Variants in CSGALNACT1 observed in about 807,000 individuals in gnomAD.
CSGALNACT1 encodes chondroitin sulfate N-acetylgalactosaminyltransferase 1, also known as beta4GalNAcT-1.
CSGALNACT1 carries 52 observed loss-of-function variants against 51.0 expected under a neutral mutation model. The ratio of observed to expected loss-of-function variants is 1.02; its 90% CI spans 0.82 to 1.29. CSGALNACT1 has a LOEUF of 1.29. CSGALNACT1 is among the 50% of genes most tolerant of loss of function. The pLI is 0.00. For missense variants in CSGALNACT1, 935 were observed against 679.2 expected, an observed-to-expected ratio of 1.38 and a Z score of -4.19; for synonymous variants, 341 against 254.4, an observed-to-expected ratio of 1.34 and a Z score of -3.24.
At chr8:19,463,472 G>T (rs980735052) in intron 4 of CSGALNACT1, among the ~76,000 whole-genome samples, 7 of 152,106 alleles carry the variant, frequency 4.6e-5, no homozygotes, top group African/African-American at 1.7e-4. Context: ...CTCTTTATTG[G>T]TGGAAACACA....
intron 1 of CSGALNACT1, among the ~76,000 whole-genome samples, chr8:19,676,793 T>G (rs2060225625): frequency 6.6e-6 from 1 of 152,126 alleles, no homozygotes; most frequent in South Asian, 2.1e-4. Context: ...CAGACAGGAT[T>G]GGAAGGATCT....
chr8:19,628,070 C>A (rs916822340), intron 1 of CSGALNACT1, among the ~76,000 whole-genome samples: 11 of 152,176 alleles, frequency 7.2e-5, no homozygotes, highest in African/African-American at 2.7e-4. Context: ...TTGTTGAGCA[C>A]TGTGTGCTGA....
At chr8:19,702,386 C>A (rs1277064548) in intron 1 of CSGALNACT1, among the ~76,000 whole-genome samples, 1 of 152,078 alleles carries the variant, frequency 6.6e-6, no homozygotes, top group East Asian at 1.9e-4. Flanking sequence ...TGAGGATACA[C>A]CTGTAGTCCC....
intron 1 of CSGALNACT1, among the ~76,000 whole-genome samples, chr8:19,627,675 A>G (rs528809039): frequency 2.7e-4 from 41 of 152,252 alleles, no homozygotes; most frequent in African/African-American, 9.6e-4. Flanking sequence ...TAATAAAAAA[A>G]TTAGCCAGGT....
chr8:19,472,614 C>A (rs1289377616), intron 4 of CSGALNACT1, among the ~76,000 whole-genome samples: 2 of 152,226 alleles, frequency 1.3e-5, no homozygotes, highest in Non-Finnish European at 2.9e-5. Flanking sequence ...GAATCTGAGA[C>A]CAATGTCAAA....
intron 1 of CSGALNACT1, among the ~76,000 whole-genome samples, chr8:19,670,255 C>A (rs566902393): frequency 6.6e-6 from 1 of 152,266 alleles, no homozygotes; most frequent in South Asian, 2.1e-4. Context: ...GTGCCCATTG[C>A]AGTACCTTAT....
At chr8:19,423,814 A>C (rs78366897) in intron 6 of CSGALNACT1, among the ~76,000 whole-genome samples, 2,242 of 152,292 alleles carry the variant, frequency 0.015, 58 homozygotes, top group African/African-American at 0.051. Flanking sequence ...GGAAAAGACA[A>C]TGCATGTTAT....
chr8:19,525,705 G>T (rs914892180), intron 3 of CSGALNACT1, among the ~76,000 whole-genome samples: 18 of 132,848 alleles, frequency 1.4e-4, no homozygotes, highest in Non-Finnish European at 2.5e-4. Context: ...CTAGAGAAAA[G>T]TTGCCAAGTG....
At chr8:19,747,729 A>C (rs2064768741) in intron 1 of CSGALNACT1, among the ~76,000 whole-genome samples, 1 of 152,164 alleles carries the variant, frequency 6.6e-6, no homozygotes, top group South Asian at 2.1e-4. Flanking sequence ...CCAGGGCTAC[A>C]GAGTGAGTCA....
intron 4 of CSGALNACT1, among the ~76,000 whole-genome samples, chr8:19,480,459 A>T (rs940247146): frequency 6.6e-6 from 1 of 152,110 alleles, no homozygotes; most frequent in African/African-American, 2.4e-5. Context: ...GTGCTTTTTT[A>T]TGGCTGCATA....
chr8:19,496,260 A>G (rs1035617032), intron 4 of CSGALNACT1, among the ~76,000 whole-genome samples: 1 of 152,260 alleles, frequency 6.6e-6, no homozygotes, highest in Non-Finnish European at 1.5e-5. Context: ...TCTTTAAATC[A>G]CCACCATAGA....
intron 3 of CSGALNACT1, among the ~76,000 whole-genome samples, chr8:19,514,035 G>T (rs1186465567): frequency 3.3e-5 from 5 of 152,160 alleles, no homozygotes; most frequent in African/African-American, 1.2e-4. Flanking sequence ...TTTCTGGAAT[G>T]CAGGTTTCTT....
At chr8:19,470,948 T>G (rs2068001806) in intron 4 of CSGALNACT1, among the ~76,000 whole-genome samples, 1 of 151,798 alleles carries the variant, frequency 6.6e-6, no homozygotes, top group Non-Finnish European at 1.5e-5. Flanking sequence ...ATACAAAAAT[T>G]AGCTGGGCGT....
intron 3 of CSGALNACT1, among the ~76,000 whole-genome samples, chr8:19,539,301 C>G (rs2084520891): frequency 6.6e-6 from 1 of 152,130 alleles, no homozygotes; most frequent in Non-Finnish European, 1.5e-5. Flanking sequence ...TTCTACATAA[C>G]TACAAGTGTG....
chr8:19,610,488 C>G (rs561045853), intron 1 of CSGALNACT1, among the ~76,000 whole-genome samples: 238 of 152,088 alleles, frequency 1.6e-3, no homozygotes, highest in African/African-American at 4.7e-3. Flanking sequence ...CCCGAGACCC[C>G]AGCAAGGCAG....
At chr8:19,534,723 G>A (rs191837317) in intron 3 of CSGALNACT1, among the ~76,000 whole-genome samples, 2 of 152,092 alleles carry the variant, frequency 1.3e-5, no homozygotes, top group South Asian at 2.1e-4. Flanking sequence ...TCTCACACAC[G>A]TCTAAAATGC....
chr8:19,735,528 G>C (rs1004202109), intron 1 of CSGALNACT1, among the ~76,000 whole-genome samples: 6 of 151,930 alleles, frequency 3.9e-5, no homozygotes, highest in Admixed American at 3.9e-4. Flanking sequence ...AAAAAACCAT[G>C]CTGCAAAATT....
chr8:19,664,260 C>T (rs1170819584), intron 1 of CSGALNACT1, among the ~76,000 whole-genome samples: 1 of 152,118 alleles, frequency 6.6e-6, no homozygotes, highest in Non-Finnish European at 1.5e-5. Flanking sequence ...GAATAAATGG[C>T]ATTTTGCAAA....
chr8:19,638,556 G>A (rs1335394913), intron 1 of CSGALNACT1, among the ~76,000 whole-genome samples: 1 of 152,116 alleles, frequency 6.6e-6, no homozygotes, highest in Non-Finnish European at 1.5e-5. Context: ...AAGTGAAAAG[G>A]CTAACAATAA....
Sources: allele counts gnomAD v4.1 joint callset (sites outside exome capture counted in the v4.1 genomes callset), GRCh38; gene constraint gnomAD v4.1.1; transcripts MANE v1.5; gene names NCBI Gene and HGNC (gene_info 2026-07-23, HGNC 2026-07-21).